MGAM: variants seen among roughly 807,000 people sequenced by gnomAD.
MGAM encodes the protein maltase-glucoamylase, also known as alpha-1,4-glucosidase.
Under a neutral mutation model 358.8 loss-of-function variants are expected in MGAM, and 253 were observed. The ratio of observed to expected loss-of-function variants is 0.71; its 90% CI spans 0.64 to 0.78. The LOEUF (loss-of-function observed/expected upper bound fraction) is 0.78. Among genes scored for constraint, MGAM ranks in the 30% least tolerant of loss-of-function variants. The pLI, the probability that MGAM is intolerant of heterozygous loss-of-function variation, is 0.00. For synonymous variants in MGAM, 1,105 were observed against 1,227.1 expected, an observed-to-expected ratio of 0.90 and a Z score of 2.08; for missense variants, 3,080 against 3,432.6, an observed-to-expected ratio of 0.90 and a Z score of 2.57.
intron 43 of MGAM, among the ~76,000 whole-genome samples, chr7:142,068,953 C>T (rs969360048): frequency 6.8e-6 from 1 of 146,220 alleles, no homozygotes; most frequent in African/African-American, 2.4e-5. Context: ...TGGGTGTTCT[C>T]TTTGTGTTAG....
chr7:142,030,855 A>C (rs782130610), intron 12 of MGAM, 98 bp downstream of exon 12: 16 of 772,620 alleles, frequency 2.1e-5, no homozygotes, highest in Non-Finnish European at 4.4e-6. Flanking sequence ...TAATTGTTTT[A>C]TTGTACATTT....
rs371920898 is a variant in MGAM at position 142,027,697 on chromosome 7, G to A, written c.1183G>A (p.Glu395Lys). The A allele has an allele frequency of 1.5e-5, 24 of 1,613,318 alleles. No individual in the cohort carries two copies. The African/African-American group carries it at 3.2e-4, about 21-fold the overall frequency. The part of the protein sequence containing the change: ...YEYGTLDNMR[E>K]VVERNRAAQL... ...ATATGGAACCTTAGACAACATGAGGGAAGTCGTGGAGAGAAATCGCGCAGC... is the reference window on the plus strand; with the variant it reads ...ATATGGAACCTTAGACAACATGAGGAAAGTCGTGGAGAGAAATCGCGCAGC... The change falls in exon 10 of 71, where the codon GAA (glutamate) becomes AAA (lysine). Residue 395 changes from glutamate to lysine, a missense_variant. Physicochemically the swap from Glu to Lys is moderately conservative, Grantham distance 56. Around this residue, in one of 5 missense-constraint regions of MGAM, gnomAD observed 1,816 missense variants for 1,840.5 expected, o/e 0.99. Transcript: ENST00000475668.
chr7:142,031,093 G>T (rs942849848), intron 12 of MGAM, among the ~76,000 whole-genome samples: 1 of 152,000 alleles, frequency 6.6e-6, no homozygotes, highest in Non-Finnish European at 1.5e-5. Flanking sequence ...AAAAGCACCC[G>T]TTACTTTCTC....
At chr7:142,050,939 G>A in intron 24 of MGAM, 75 bp downstream of exon 24, 1 of 1,601,470 alleles carries the variant, frequency 6.2e-7, no homozygotes, top group Non-Finnish European at 8.5e-7. Context: ...TGCCAAGTTT[G>A]CATGGGTCCC....
rs368269252 is a variant in MGAM at position 142,045,146 on chromosome 7, C to G, written c.2499-2639C>G. 1.5e-4 allele frequency among the ~76,000 whole-genome samples: 12 copies of G among 77,542 alleles called. 2 individuals carry two copies. The highest frequency in any genetic ancestry group is 5.9e-4 in the African/African-American group (11 of 18,588). 50.9% of individuals were successfully genotyped at this position (77,542 alleles called of 152,430 possible). On this transcript the variant is annotated intron_variant, in intron 21 of 70. Transcript: ENST00000475668. ...GATATATAATATGTATATTATATAT[C>G]ATATATGTGATATATAATATATATA...
intron 45 of MGAM, among the ~76,000 whole-genome samples, chr7:142,074,976 TG>T (rs1440550283): frequency 6.8e-6 from 1 of 146,188 alleles, no homozygotes; most frequent in Non-Finnish European, 1.6e-5. Flanking sequence ...ACTGAAAGTT[TG>T]TACCCTTGAC....
intron 21 of MGAM, among the ~76,000 whole-genome samples, chr7:142,041,075 C>G (rs1199556147): frequency 8.5e-5 from 13 of 152,086 alleles, no homozygotes; most frequent in Admixed American, 8.5e-4. Flanking sequence ...TGTTTCTTTA[C>G]CCTTGACTCA....
In MGAM at chr7:142,091,676, A is replaced by G. The variant is rs747659394; in HGVS notation, c.6811-237A>G. ...GGTCATTGATTGTCATCATCCATGT[A>G]TATATGAAGAGAACAGTTTTTGGAT... On this transcript the variant is annotated intron_variant, in intron 57 of 70. Coordinates refer to ENST00000475668, the MANE Select transcript of MGAM (RefSeq NM_001365693.1). 2.7e-5 allele frequency among the ~76,000 whole-genome samples: 4 copies of G among 146,302 alleles called. 1 individual carries two copies. The highest frequency in any genetic ancestry group is 7.3e-5 in the African/African-American group (3 of 41,136).
upstream of MGAM, among the ~76,000 whole-genome samples, chr7:141,993,593 G>A (rs1804035664): frequency 6.6e-6 from 1 of 152,198 alleles, no homozygotes; most frequent in South Asian, 2.1e-4. Context: ...ACAGAGCAAA[G>A]TTCTTAACCT....
chr7:142,064,372 C>G lies in MGAM; in HGVS notation c.4346-12C>G, dbSNP rs370970967. 10 of 1,603,742 alleles carry G rather than the reference C, an allele frequency of 6.2e-6. No homozygotes were observed. The highest frequency in any genetic ancestry group is 1.7e-4 in the Middle Eastern group (1 of 6,006). On this transcript the variant is annotated splice_polypyrimidine_tract_variant and intron_variant, in intron 36 of 70. Coordinates refer to ENST00000475668, the MANE Select transcript of MGAM (RefSeq NM_001365693.1). ...AGGGCTGGGTTTCACCTCGCCAGTT[C>G]TTCCTCCTCAGATTTGGAGTCCAGG...
intron 11 of MGAM, 31 bp from the exon 12 acceptor site, chr7:142,030,610 A>G: frequency 6.2e-7 from 1 of 1,601,758 alleles, no homozygotes; most frequent in East Asian, 2.2e-5. Context: ...GTTTCCAGCT[A>G]GTTTGTTCAT....
chr7:142,084,053 A>T (rs908786608), intron 53 of MGAM, among the ~76,000 whole-genome samples: 2 of 146,128 alleles, frequency 1.4e-5, no homozygotes, highest in African/African-American at 4.9e-5. Context: ...CACATCACTG[A>T]TTTATTACTT....
In MGAM at chr7:142,041,986, TAATATATA is replaced by T. The variant is rs1563145314; in HGVS notation, c.2498+1141_2498+1148del. 1.9e-4 allele frequency among the ~76,000 whole-genome samples: 3 copies of T among 15,578 alleles called. 1 individual carries two copies. The highest frequency in any genetic ancestry group is 6.1e-4 in the African/African-American group (3 of 4,902). 10.2% of individuals were successfully genotyped at this position (15,578 alleles called of 152,430 possible). A position where few individuals can be genotyped will look rare whatever the true frequency, so the allele number is the denominator to read the frequency against. On this transcript the variant is annotated intron_variant, in intron 21 of 70. Transcript: ENST00000475668. ...ATATATATATTATATATATATAATA[TAATATATA>T]TATATTATATATATAATATAATATA...
At chr7:142,003,851 C>A (rs1230626266) in intron 1 of MGAM, among the ~76,000 whole-genome samples, 1 of 151,478 alleles carries the variant, frequency 6.6e-6, no homozygotes, top group African/African-American at 2.4e-5. Context: ...GGAAAAAAAA[C>A]ACATAACCCC....
intron 12 of MGAM, 51 bp downstream of exon 12, chr7:142,030,808 T>C (rs1439653278): frequency 4.4e-6 from 5 of 1,142,594 alleles, no homozygotes; most frequent in Non-Finnish European, 5.2e-6. Flanking sequence ...ATAGGGGTGT[T>C]TGAATGTGTC....
chr7:141,991,609 G>T (rs1255914146), upstream of MGAM, among the ~76,000 whole-genome samples: 2 of 151,990 alleles, frequency 1.3e-5, no homozygotes, highest in South Asian at 2.1e-4. Flanking sequence ...GCTAATTTTT[G>T]TATTTTTAGT....
chr7:142,014,074 A>G (rs1554455248), intron 3 of MGAM, among the ~76,000 whole-genome samples: 1 of 152,210 alleles, frequency 6.6e-6, no homozygotes, highest in East Asian at 1.9e-4. Flanking sequence ...CATCACGTAG[A>G]GAGCTAATAA....
At chr7:142,007,972 G>A (rs1461336425) in intron 2 of MGAM, among the ~76,000 whole-genome samples, 1 of 152,110 alleles carries the variant, frequency 6.6e-6, no homozygotes, top group African/African-American at 2.4e-5. Flanking sequence ...CAGATCAGAG[G>A]TCTTCAGACT....
At chr7:142,030,071 A>G (rs1258767835) in intron 10 of MGAM, among the ~76,000 whole-genome samples, 1 of 152,156 alleles carries the variant, frequency 6.6e-6, no homozygotes, top group East Asian at 1.9e-4. Flanking sequence ...GGGGTTTGTC[A>G]TAATTGGTGT....
Sources: allele counts gnomAD v4.1 joint callset (sites outside exome capture counted in the v4.1 genomes callset), GRCh38; gene constraint gnomAD v4.1.1; regional missense constraint gnomAD v4.1.1; transcripts MANE v1.5; gene names NCBI Gene and HGNC (gene_info 2026-07-23, HGNC 2026-07-21).